ISM1: variants seen among roughly 807,000 people sequenced by gnomAD.
The protein encoded by ISM1 is isthmin 1.
A neutral mutation model predicts 46.3 loss-of-function variants in ISM1; 25 were observed. The ratio of observed to expected loss-of-function variants is 0.54; its 90% CI spans 0.39 to 0.75. The LOEUF (loss-of-function observed/expected upper bound fraction) is 0.75. Ranked by LOEUF, ISM1 falls within the 30% of genes least tolerant of loss-of-function variation. The pLI is 0.00. For synonymous variants in ISM1, 255 were observed against 256.7 expected (o/e 0.99, Z 0.06); for missense variants, 536 against 625.4 (o/e 0.86, Z 1.52).
rs147432684 is a variant in ISM1 at position 13,270,581 on chromosome 20, G to C, written c.216G>C (p.Leu72=). The C allele has an allele frequency of 4.3e-5, 70 of 1,613,916 alleles. No homozygotes were observed. In the African/African-American group the frequency reaches 7.2e-4, roughly 17 times the overall value. The stretch of plus-strand genomic sequence containing the variant: ...CCAAAGAAGCACCAAGGGAGCATCT[G>C]GACCACCAGGCTGCACACCAACCCT... The part of the protein sequence containing the change: ...SLSKEAPREH[L]DHQAAHQPFP... Residue 72 remains leucine (L), a synonymous_variant, in exon 2 of 6, where the codon CTG becomes CTC. Transcript: ENST00000262487.
chr20:13,235,753 T>C (rs553082571), intron 1 of ISM1, among the ~76,000 whole-genome samples: 119 of 152,278 alleles, frequency 7.8e-4, no homozygotes, highest in Non-Finnish European at 1.6e-3. Context: ...GTAGGAACTG[T>C]GCCTGCAAAT....
At chr20:13,322,172 A>AC in the ISM1 span, among the ~76,000 whole-genome samples, 1 of 152,212 alleles carries the variant, frequency 6.6e-6, no homozygotes, top group African/African-American at 2.4e-5. Context: ...AAAAGCTGCA[A>AC]CCTAGCCTAG....
chr20:13,315,602 C>T, the ISM1 span, among the ~76,000 whole-genome samples: 1 of 151,772 alleles, frequency 6.6e-6, no homozygotes, highest in African/African-American at 2.4e-5. Context: ...ATTTCAATAC[C>T]CCAACATCCC....
chr20:13,257,661 A>G (rs140230289), intron 1 of ISM1, among the ~76,000 whole-genome samples: 1,530 of 152,142 alleles, frequency 0.01, 27 homozygotes, highest in African/African-American at 0.035. Flanking sequence ...ATTACACTGC[A>G]CAAGTAAAGC....
intron 3 of ISM1, among the ~76,000 whole-genome samples, chr20:13,281,438 C>T (rs1206694134): frequency 6.6e-6 from 1 of 152,196 alleles, no homozygotes; most frequent in Non-Finnish European, 1.5e-5. Context: ...ATAGTACTTA[C>T]CATGCACTAG....
chr20:13,226,297 G>C (rs993406789), intron 1 of ISM1, among the ~76,000 whole-genome samples: 5 of 152,166 alleles, frequency 3.3e-5, no homozygotes, highest in African/African-American at 1.2e-4. Context: ...ACTTATAGCA[G>C]TAGAAGCAAA....
chr20:13,298,404 C>T (rs113474017), intron 5 of ISM1, among the ~76,000 whole-genome samples: 12,170 of 152,276 alleles, frequency 0.08, 637 homozygotes, highest in Admixed American at 0.12. Context: ...GCATATGCCA[C>T]CGTGCCTGGC....
chr20:13,309,977 G>T, the ISM1 span, among the ~76,000 whole-genome samples: 1 of 152,070 alleles, frequency 6.6e-6, no homozygotes, highest in Middle Eastern at 3.2e-3. Flanking sequence ...TGTGTTTACG[G>T]ATTGGAAGAA....
intron 1 of ISM1, among the ~76,000 whole-genome samples, chr20:13,222,134 G>A (rs1327691603): frequency 6.6e-6 from 1 of 152,184 alleles, no homozygotes; most frequent in Non-Finnish European, 1.5e-5. Context: ...TGCGGGCTGC[G>A]CTCCTTCAGT....
intron 1 of ISM1, among the ~76,000 whole-genome samples, chr20:13,236,912 G>A (rs1441438384): frequency 6.6e-6 from 1 of 152,196 alleles, no homozygotes; most frequent in Non-Finnish European, 1.5e-5. Flanking sequence ...GCTGCTTTCA[G>A]GGGCTGGCAT....
In ISM1 at chr20:13,268,067, G is replaced by A. The variant is rs552329066; in HGVS notation, c.139-2437G>A. Among the ~76,000 whole-genome samples the A allele has an allele frequency of 4.7e-4, 72 of 151,818 alleles. No individual in the cohort carries two copies. In the South Asian group the frequency reaches 7.7e-3, roughly 16 times the overall value. On this transcript the variant is annotated intron_variant, in intron 1 of 5. Coordinates refer to ENST00000262487, the MANE Select transcript of ISM1 (RefSeq NM_080826.2). ...GCTATCTCCCCTTTGGGATGTCATC[G>A]AGAAATCTTATGTTGAGAAAAGATA...
At chr20:13,277,484 T>C (rs560488335) in intron 2 of ISM1, among the ~76,000 whole-genome samples, 1 of 152,176 alleles carries the variant, frequency 6.6e-6, no homozygotes, top group Non-Finnish European at 1.5e-5. Flanking sequence ...ACTGCCCAGC[T>C]TGGCTCGGCT....
chr20:13,282,942 T>C (rs542503813), intron 3 of ISM1, among the ~76,000 whole-genome samples: 4 of 152,348 alleles, frequency 2.6e-5, no homozygotes, highest in Admixed American at 6.5e-5. Flanking sequence ...TGAGTGATCA[T>C]TGCTTCCCAG....
At chr20:13,234,875 A>AT (rs1456099690) in intron 1 of ISM1, among the ~76,000 whole-genome samples, 1 of 152,076 alleles carries the variant, frequency 6.6e-6, no homozygotes, top group Non-Finnish European at 1.5e-5. Context: ...AGATGCAAAT[A>AT]TTTTTTGCAT....
the ISM1 span, among the ~76,000 whole-genome samples, chr20:13,312,074 T>C: frequency 6.6e-6 from 1 of 152,208 alleles, no homozygotes. Context: ...TTAATTAACT[T>C]TTTTAAAAGA....
At chr20:13,280,681 C>T (rs552543489) in intron 3 of ISM1, among the ~76,000 whole-genome samples, 2 of 152,288 alleles carry the variant, frequency 1.3e-5, no homozygotes, top group East Asian at 1.9e-4. Flanking sequence ...AAGGAACACA[C>T]ACTCGTAAGG....
chr20:13,260,091 C>T (rs527657399), intron 1 of ISM1, among the ~76,000 whole-genome samples: 159 of 152,358 alleles, frequency 1.0e-3, no homozygotes, highest in Non-Finnish European at 1.9e-3. Flanking sequence ...GCAGGAATCA[C>T]ACCATTTCCC....
At position 13,279,651 on chromosome 20, in the gene ISM1, C is replaced by T. The variant is rs375525780; in HGVS notation, c.396C>T (p.Val132=). The T allele has an allele frequency of 4.1e-4, 669 of 1,613,484 alleles. 3 individuals are homozygous for T. In the South Asian group the frequency reaches 6.6e-3, roughly 16 times the overall value. The part of the protein sequence containing the change: ...NPNIQVTIEV[V]DGPDSEADKD... ...TTCTTCAGGTCACCATAGAGGTGGTCGACGGTCCTGACTCTGAAGCAGATA... is the reference window on the plus strand; with the variant it reads ...TTCTTCAGGTCACCATAGAGGTGGTTGACGGTCCTGACTCTGAAGCAGATA... The change falls in exon 3 of 6, where the codon GTC becomes GTT. Residue 132 remains valine, a synonymous_variant. Coordinates refer to ENST00000262487, the MANE Select transcript of ISM1 (RefSeq NM_080826.2).
chr20:13,224,460 T>G (rs370162735), intron 1 of ISM1, among the ~76,000 whole-genome samples: 13 of 152,358 alleles, frequency 8.5e-5, no homozygotes, highest in African/African-American at 2.9e-4. Context: ...CTGTATTCTT[T>G]CTTTTTACCA....
Sources: gnomAD v4.1 joint callset for allele counts (sites outside exome capture counted in the v4.1 genomes callset) on GRCh38, gnomAD v4.1.1 for gene constraint, MANE v1.5 for transcripts, NCBI Gene and HGNC (gene_info 2026-07-23, HGNC 2026-07-21) for gene names.